ADAMTSL1: variants seen among roughly 807,000 people sequenced by gnomAD.
ADAMTSL1 encodes ADAMTS like 1.
In ADAMTSL1, 126 loss-of-function variants were observed where a neutral mutation model predicts 201.8. The observed-to-expected ratio is 0.62, with a 90% confidence interval of 0.54 to 0.72. ADAMTSL1 has a LOEUF of 0.72. ADAMTSL1 is among the 30% of genes least tolerant of loss of function. ADAMTSL1 has a pLI of 0.00. For synonymous variants in ADAMTSL1, 1,121 were observed against 903.4 expected (o/e 1.24, Z -4.32); for missense variants, 2,679 against 2,277.8 (o/e 1.18, Z -3.59).
chr9:18,662,727 T>C (rs2133034233), intron 9 of ADAMTSL1, among the ~76,000 whole-genome samples: 1 of 152,346 alleles, frequency 6.6e-6, no homozygotes. Context: ...CCTCAGATTA[T>C]CTGCAGGGTC....
chr9:18,367,448 G>A (rs1464042998), intron 2 of ADAMTSL1, among the ~76,000 whole-genome samples: 1 of 151,446 alleles, frequency 6.6e-6, no homozygotes, highest in Non-Finnish European at 1.5e-5. Flanking sequence ...ATATCTTCCT[G>A]GGTCTAAGCC....
intron 23 of ADAMTSL1, among the ~76,000 whole-genome samples, chr9:18,835,724 T>C (rs1356351816): frequency 6.6e-6 from 1 of 152,138 alleles, no homozygotes; most frequent in Non-Finnish European, 1.5e-5. Context: ...GTACCCAATG[T>C]TTAGTTCCTG....
At chr9:18,433,188 A>T (rs1295317529) in intron 2 of ADAMTSL1, among the ~76,000 whole-genome samples, 1 of 152,160 alleles carries the variant, frequency 6.6e-6, no homozygotes, top group Non-Finnish European at 1.5e-5. Flanking sequence ...AAACAAAAAC[A>T]TAAAAACTTC....
chr9:18,044,804 A>G (rs10963408), intron 1 of ADAMTSL1, among the ~76,000 whole-genome samples: 10,784 of 152,202 alleles, frequency 0.071, 612 homozygotes, highest in East Asian at 0.34. Flanking sequence ...GCAGAGTCAC[A>G]CCTAGAATAC....
intron 16 of ADAMTSL1, among the ~76,000 whole-genome samples, chr9:18,762,188 C>T (rs1260063297): frequency 6.6e-6 from 1 of 151,954 alleles, no homozygotes; most frequent in Non-Finnish European, 1.5e-5. Flanking sequence ...ACTCATAATC[C>T]TGTGTGCATG....
chr9:18,009,339 T>C lies in ADAMTSL1; in HGVS notation c.87+102417T>C, dbSNP rs181061987. Among the ~76,000 whole-genome samples the C allele has an allele frequency of 7.9e-5, 12 of 152,170 alleles. No individual in the cohort carries two copies. In the East Asian group the frequency reaches 2.3e-3, roughly 30 times the overall value. On this transcript the variant is annotated intron_variant, in intron 1 of 29. Coordinates refer to the ADAMTSL1 transcript ENST00000680146. ...CTTGTCATCCATTCTCTGGTCTTTA[T>C]GTAAAACCTTGTACTCACTTCTAAT...
intron 5 of ADAMTSL1, among the ~76,000 whole-genome samples, chr9:18,626,903 CTTTCTTTTCTTTT>C (rs1826416678): frequency 6.9e-6 from 1 of 145,166 alleles, no homozygotes; most frequent in Non-Finnish European, 1.5e-5. Context: ...TCCTTCCTTT[CTTTCTTTTCTTTT>C]TTTCTTTTTC....
intron 1 of ADAMTSL1, among the ~76,000 whole-genome samples, chr9:18,072,268 C>T (rs77341237): frequency 3.7e-4 from 56 of 152,244 alleles, no homozygotes; most frequent in African/African-American, 1.2e-3. Flanking sequence ...CACTGTTATG[C>T]GAAACATGAT....
At chr9:18,848,252 C>G (rs1431295108) in intron 23 of ADAMTSL1, among the ~76,000 whole-genome samples, 6 of 152,186 alleles carry the variant, frequency 3.9e-5, no homozygotes, top group Non-Finnish European at 7.3e-5. Flanking sequence ...AATTCGAGAT[C>G]TCAGGATGGG....
At position 18,724,999 on chromosome 9, in the gene ADAMTSL1, C is replaced by T. The variant is rs555520464; in HGVS notation, c.2006+3334C>T. 2.1e-4 allele frequency among the ~76,000 whole-genome samples: 32 copies of T among 152,214 alleles called. No individual in the cohort carries two copies. In the South Asian group the frequency reaches 4.8e-3, roughly 23 times the overall value. ...TCAGCTCACTGCAAGCTCCGCCTCC[C>T]GGGTTTACACCATTCTCCTGCTTCA... On this transcript the variant is annotated intron_variant, in intron 15 of 28. Transcript: ENST00000380548.
At chr9:18,768,241 A>C (rs1468150637) in intron 16 of ADAMTSL1, among the ~76,000 whole-genome samples, 1 of 152,198 alleles carries the variant, frequency 6.6e-6, no homozygotes, top group Admixed American at 6.5e-5. Context: ...AGCCCTCCTC[A>C]TGAAGCAACG....
At chr9:18,556,044 C>T (rs1234234186) in intron 3 of ADAMTSL1, among the ~76,000 whole-genome samples, 1 of 151,902 alleles carries the variant, frequency 6.6e-6, no homozygotes, top group Non-Finnish European at 1.5e-5. Flanking sequence ...GACAGCTCAG[C>T]TCTCAGGATC....
intron 25 of ADAMTSL1, chr9:18,890,406 A>C (rs1767597460): frequency 2.4e-6 from 1 of 420,564 alleles, no homozygotes; most frequent in African/African-American, 2.0e-5. Flanking sequence ...CCTCAGCAGT[A>C]GTTAAATGGA....
At chr9:18,111,418 A>T (rs568991405) in intron 1 of ADAMTSL1, among the ~76,000 whole-genome samples, 1 of 152,272 alleles carries the variant, frequency 6.6e-6, no homozygotes, top group South Asian at 2.1e-4. Context: ...ATTTATTTAC[A>T]CTTAACTCAT....
chr9:18,531,036 G>T (rs763800452), intron 2 of ADAMTSL1, among the ~76,000 whole-genome samples: 3 of 152,150 alleles, frequency 2.0e-5, no homozygotes, highest in Non-Finnish European at 2.9e-5. Context: ...CTCTCATATT[G>T]TTGGAGTCAG....
intron 2 of ADAMTSL1, among the ~76,000 whole-genome samples, chr9:18,523,559 G>A (rs1818838548): frequency 6.6e-6 from 1 of 152,020 alleles, no homozygotes. Context: ...TTCTTCTAGG[G>A]TTTTTATGGT....
intron 2 of ADAMTSL1, among the ~76,000 whole-genome samples, chr9:18,404,078 A>T (rs1311947901): frequency 6.6e-6 from 1 of 152,192 alleles, no homozygotes; most frequent in Non-Finnish European, 1.5e-5. Context: ...TATAATCTTT[A>T]TAAGGATGAT....
chr9:17,910,386 T>TGAG lies in ADAMTSL1; in HGVS notation c.87+3464_87+3465insGAG, dbSNP rs1825876275. 2.9e-5 allele frequency among the ~76,000 whole-genome samples: 2 copies of TGAG among 69,008 alleles called. 1 individual carries two copies. Among genetic ancestry groups the TGAG allele is most frequent in the African/African-American group, 5.9e-5 (2 of 34,114 alleles). 45.3% of individuals were successfully genotyped at this position (69,008 alleles called of 152,430 possible). A position where few individuals can be genotyped will look rare whatever the true frequency, so the allele number is the denominator to read the frequency against. ...GACTTGCAGTATTTTTTTTTTATGC[T>TGAG]TTCCCACTGCCTGTTCAAACTCACT... On this transcript the variant is annotated intron_variant, in intron 1 of 29. Transcript: ENST00000680146.
chr9:17,994,528 C>T (rs1398280424), intron 1 of ADAMTSL1, among the ~76,000 whole-genome samples: 1 of 152,126 alleles, frequency 6.6e-6, no homozygotes, highest in Non-Finnish European at 1.5e-5. Context: ...TATTCAGTTC[C>T]ACTTTTGTGT....
Sources: gnomAD v4.1 joint callset for allele counts (sites outside exome capture counted in the v4.1 genomes callset) on GRCh38, gnomAD v4.1.1 for gene constraint, MANE v1.5 for transcripts, NCBI Gene and HGNC (gene_info 2026-07-23, HGNC 2026-07-21) for gene names.